HECW1: variants seen among roughly 807,000 people sequenced by gnomAD.
HECW1 encodes E3 ubiquitin-protein ligase HECW1.
HECW1 carries 61 observed loss-of-function variants against 182.3 expected under a neutral mutation model. That is an observed-to-expected ratio of 0.33 (90% CI 0.27 to 0.41). HECW1 has a LOEUF of 0.41. Among genes scored for constraint, HECW1 ranks in the 10% least tolerant of loss-of-function variants. The pLI is 1.00. For missense variants in HECW1, 1,739 were observed against 2,108.9 expected (o/e 0.82, Z 3.44); for synonymous variants, 859 against 832.6 (o/e 1.03, Z -0.55).
At chr7:43,217,908 A>G (rs1394789773) in intron 2 of HECW1, among the ~76,000 whole-genome samples, 1 of 152,140 alleles carries the variant, frequency 6.6e-6, no homozygotes, top group Non-Finnish European at 1.5e-5. Context: ...TATCTAGCAC[A>G]AGCCTGGCCA....
intron 14 of HECW1, 91 bp from the exon 15 acceptor site, chr7:43,466,356 G>T (rs2077779017): frequency 1.5e-6 from 2 of 1,325,634 alleles, no homozygotes; most frequent in Admixed American, 3.6e-5. Flanking sequence ...GTGGGTGAAG[G>T]CTTGTGTGCT....
intron 1 of HECW1, 49 bp downstream of exon 1, chr7:43,112,986 C>G (rs1055042497): frequency 5.0e-6 from 1 of 200,398 alleles, no homozygotes; most frequent in Non-Finnish European, 1.0e-5. Context: ...TTCCCCCCCG[C>G]CCTTCTCTGG....
At chr7:43,179,202 G>T (rs991658356) in intron 2 of HECW1, among the ~76,000 whole-genome samples, 1 of 152,230 alleles carries the variant, frequency 6.6e-6, no homozygotes, top group Non-Finnish European at 1.5e-5. Context: ...AAACCAAGAT[G>T]CTGGAGAGAG....
rs1290794989 is a variant in HECW1, at chr7:43,432,285, G to A, written c.802-5718G>A. ...CTCCCAAGTAGCTGGGACTACAGGC[G>A]CCCGCCACTACACCCGGCTAATTTT... On this transcript the variant is annotated intron_variant, in intron 8 of 29. Transcript: ENST00000395891. This position sits in a 1 kb window ranked among gnomAD's most constrained non-coding sequence, Gnocchi z 4.1. Among the ~76,000 whole-genome samples, 10 of 150,128 alleles carry A rather than the reference G, an allele frequency of 6.7e-5. No individual in the cohort carries two copies. Among genetic ancestry groups the A allele is most frequent in the African/African-American group, 9.8e-5 (4 of 40,984 alleles).
intron 23 of HECW1, 73 bp from the exon 24 acceptor site, chr7:43,508,896 G>A: frequency 6.5e-7 from 1 of 1,528,312 alleles, no homozygotes; most frequent in African/African-American, 1.4e-5. Flanking sequence ...GGGCACACTA[G>A]AATCTGGGTG....
At chr7:43,227,064 A>G (rs146900979) in intron 2 of HECW1, among the ~76,000 whole-genome samples, 231 of 152,352 alleles carry the variant, frequency 1.5e-3, no homozygotes, top group African/African-American at 5.1e-3. Context: ...TCTGGAAGTC[A>G]ATGCCTCTCT....
intron 24 of HECW1, among the ~76,000 whole-genome samples, chr7:43,533,666 T>C (rs2081073068): frequency 1.3e-5 from 2 of 152,170 alleles, no homozygotes; most frequent in East Asian, 1.9e-4. Flanking sequence ...TGCAGGGTTT[T>C]TAACAGACCT....
At chr7:43,185,892 A>G (rs545433607) in intron 2 of HECW1, among the ~76,000 whole-genome samples, 1 of 152,272 alleles carries the variant, frequency 6.6e-6, no homozygotes, top group South Asian at 2.1e-4. Flanking sequence ...AACAATTGGC[A>G]TGCAAACTTT....
rs137917515 is a variant in HECW1, at chr7:43,243,498, A to G, written c.-31-377A>G. On this transcript the variant is annotated intron_variant, in intron 2 of 29. Coordinates refer to ENST00000395891, the MANE Select transcript of HECW1 (RefSeq NM_015052.5). This position sits in a 1 kb window ranked among gnomAD's most constrained non-coding sequence, Gnocchi z 4.0. ...GTTGAGGGAGCTTCAGGAGTGGATC[A>G]TATGTGAGGATGCTTTTCGCTGGCC... is the stretch of plus-strand genomic sequence containing the variant. Among the ~76,000 whole-genome samples the G allele has an allele frequency of 6.0e-4, 92 of 152,256 alleles. No homozygotes were observed. Among genetic ancestry groups the G allele is most frequent in the African/African-American group, 2.1e-3 (86 of 41,534 alleles).
rs149825959 is a variant in HECW1 at position 43,375,531 on chromosome 7, A to G, written c.555+14551A>G. The stretch of plus-strand genomic sequence containing the variant: ...TTATTATTTTATTACTTAAATATAT[A>G]TTGTATGGCTTATTGCACCAATTAG... On this transcript the variant is annotated intron_variant, in intron 6 of 29. Transcript: ENST00000395891. 1.6e-4 allele frequency among the ~76,000 whole-genome samples: 25 copies of G among 152,314 alleles called. No individual in the cohort carries two copies. The East Asian group carries it at 4.8e-3, about 29-fold the overall frequency.
intron 3 of HECW1, among the ~76,000 whole-genome samples, chr7:43,268,173 GCCC>G (rs1357547442): frequency 1.1e-4 from 16 of 152,222 alleles, no homozygotes; most frequent in African/African-American, 3.4e-4. Context: ...CAGAGTCTCT[GCCC>G]TCAGGGTGGT....
intron 17 of HECW1, among the ~76,000 whole-genome samples, chr7:43,489,763 T>C (rs1389158939): frequency 6.6e-6 from 1 of 152,200 alleles, no homozygotes; most frequent in Admixed American, 6.5e-5. Context: ...GGGTGTGGAA[T>C]ATGGAAGTGG....
At chr7:43,433,103 G>A (rs1320502921) in intron 8 of HECW1, among the ~76,000 whole-genome samples, 1 of 152,154 alleles carries the variant, frequency 6.6e-6, no homozygotes, top group Non-Finnish European at 1.5e-5. Flanking sequence ...ACCATATCTA[G>A]GGGAGTGTCA....
intron 2 of HECW1, among the ~76,000 whole-genome samples, chr7:43,124,842 C>T (rs757631577): frequency 1.3e-5 from 2 of 152,108 alleles, no homozygotes; most frequent in Non-Finnish European, 2.9e-5. Context: ...TTTTTTCTCA[C>T]TCAACTTAAT....
At chr7:43,478,621 G>C (rs1434774695) in intron 16 of HECW1, among the ~76,000 whole-genome samples, 8 of 151,944 alleles carry the variant, frequency 5.3e-5, no homozygotes, top group African/African-American at 1.9e-4. Context: ...TAAAATTATA[G>C]ATCTTGATGT....
chr7:43,553,239 C>A (rs1183119596), intron 28 of HECW1, among the ~76,000 whole-genome samples: 2 of 152,218 alleles, frequency 1.3e-5, no homozygotes, highest in Non-Finnish European at 2.9e-5. Context: ...GTTAGCCTCA[C>A]AACTCTTCAT....
chr7:43,174,394 A>G (rs1792004344), intron 2 of HECW1, among the ~76,000 whole-genome samples: 1 of 152,166 alleles, frequency 6.6e-6, no homozygotes, highest in African/African-American at 2.4e-5. Flanking sequence ...TTTCTTTCTT[A>G]GTTTCTGCAG....
intron 16 of HECW1, among the ~76,000 whole-genome samples, chr7:43,474,977 G>A (rs533687403): frequency 2.3e-4 from 35 of 152,324 alleles, no homozygotes; most frequent in African/African-American, 7.7e-4. Context: ...GGGCTTCAAG[G>A]AGTAGAAAAT....
chr7:43,442,572 G>C lies in HECW1; in HGVS notation c.988G>C (p.Asp330His). ...SYTLGRRLPT[D>H]HVSGQLQFRF... ...CACACTTGGCCGCAGGCTTCCAACA[G>C]ATCATGTGAGTGGACAGCTGCAATT... The change falls in exon 10 of 30, where the codon GAT becomes CAT. Residue 330 changes from aspartate to histidine, a missense_variant. This residue lies in a region of HECW1 where 66 missense variants were observed against 113.8 expected (regional missense o/e 0.58). Coordinates refer to ENST00000395891, the MANE Select transcript of HECW1 (RefSeq NM_015052.5). 1 of 1,614,034 alleles carries C rather than the reference G, an allele frequency of 6.2e-7. No individual in the cohort carries two copies. Among genetic ancestry groups the C allele is most frequent in the Non-Finnish European group, 8.5e-7 (1 of 1,179,938 alleles).
Sources: gnomAD v4.1 joint callset for allele counts (sites outside exome capture counted in the v4.1 genomes callset) on GRCh38, gnomAD v4.1.1 for gene constraint, gnomAD v4.1.1 regional missense constraint, Gnocchi (gnomAD v3.1) non-coding constraint, MANE v1.5 for transcripts, NCBI Gene and HGNC (gene_info 2026-07-23, HGNC 2026-07-21) for gene names.